The following TRIP13 variants were observed in gnomAD, a reference collection of about 807,000 sequenced individuals.
TRIP13 encodes the protein pachytene checkpoint protein 2 homolog.
Under a neutral mutation model 54.4 loss-of-function variants are expected in TRIP13, and 25 were observed. The ratio of observed to expected loss-of-function variants is 0.46; its 90% CI spans 0.33 to 0.64. The LOEUF (loss-of-function observed/expected upper bound fraction) is 0.64. TRIP13 is among the 30% of genes least tolerant of loss of function. TRIP13 has a pLI of 0.02. For synonymous variants in TRIP13, 207 were observed against 207.8 expected, an observed-to-expected ratio of 1.00 and a Z score of 0.03; for missense variants, 373 against 534.2, an observed-to-expected ratio of 0.70 and a Z score of 2.97.
rs1341659111 is a variant in TRIP13 at position 913,381 on chromosome 5, C to T, written c.1021-1084C>T. ...TTGTTTGTTTGTTTATTTTGAGACA[C>T]AGTCTCACTCTTACCTAGAGCTGGA... On this transcript the variant is annotated intron_variant, in intron 10 of 12. Coordinates refer to ENST00000166345, the MANE Select transcript of TRIP13 (RefSeq NM_004237.4). This position sits in a 1 kb window ranked among gnomAD's most constrained non-coding sequence, Gnocchi z 4.5. 6.6e-6 allele frequency among the ~76,000 whole-genome samples: 1 copy of T among 152,122 alleles called. No individual in the cohort carries two copies. The highest frequency in any genetic ancestry group is 1.5e-5 in the Non-Finnish European group (1 of 68,014).
intron 5 of TRIP13, among the ~76,000 whole-genome samples, chr5:903,945 A>G (rs1754051039): frequency 6.6e-6 from 1 of 152,190 alleles, no homozygotes; most frequent in Non-Finnish European, 1.5e-5. Flanking sequence ...GAAGTTGAGT[A>G]CAAATAAGAA....
intron 1 of TRIP13, among the ~76,000 whole-genome samples, 186 bp from the exon 2 acceptor site, chr5:894,601 G>A (rs534182224): frequency 1.3e-5 from 2 of 152,176 alleles, no homozygotes; most frequent in African/African-American, 4.8e-5. Context: ...CTTCTTCAGG[G>A]CACAGCTGGT....
Position 894,825 on chromosome 5 carries a change from A to G in TRIP13, c.131A>G (p.Lys44Arg). Residue 44 changes from lysine to arginine, a missense_variant, in exon 2 of 13, where the codon AAG (lysine) becomes AGG (arginine). Lys to Arg is a conservative substitution (Grantham distance 26). This residue lies in a region of TRIP13 where 151 missense variants were observed against 151.9 expected (regional missense o/e 0.99). Transcript: ENST00000166345. The part of the protein sequence containing the change: ...KKEDINLSVR[K>R]LLNRHNIVFG... ...GAAGACATAAACCTGAGTGTTAGAAAGCTACTCAACAGACATAATATTGTG... is the reference window on the plus strand; with the variant it reads ...GAAGACATAAACCTGAGTGTTAGAAGGCTACTCAACAGACATAATATTGTG... 6.2e-7 allele frequency: 1 copy of G among 1,612,300 alleles called. No homozygotes were observed. Among genetic ancestry groups the G allele is most frequent in the South Asian group, 1.1e-5 (1 of 90,218 alleles).
At chr5:899,803 G>A (rs1753942873) in intron 3 of TRIP13, among the ~76,000 whole-genome samples, 1 of 88,646 alleles carries the variant, frequency 1.1e-5, no homozygotes, top group African/African-American at 8.1e-5. Flanking sequence ...AGTGTGTGGG[G>A]AAACAGGTGG....
rs1399757151 is a variant in TRIP13 at position 907,971 on chromosome 5, G to A, written c.673-17G>A. 2 of 1,614,118 alleles carry A rather than the reference G, an allele frequency of 1.2e-6. No individual in the cohort carries two copies. The highest frequency in any genetic ancestry group is 1.1e-5 in the South Asian group (1 of 91,090). Reference sequence around the variant, plus strand: ...TGGTCCCTGCACGTTGACACTAAAAGGGTGTTTGGGTTCCAGAGTGGCAAG... The same window carrying A: ...TGGTCCCTGCACGTTGACACTAAAAAGGTGTTTGGGTTCCAGAGTGGCAAG... On this transcript the variant is annotated splice_polypyrimidine_tract_variant and intron_variant, in intron 7 of 12. Coordinates refer to ENST00000166345, the MANE Select transcript of TRIP13 (RefSeq NM_004237.4). The surrounding 1 kb of genome is among the most constrained non-coding windows in gnomAD (Gnocchi z 4.1).
intron 5 of TRIP13, among the ~76,000 whole-genome samples, chr5:901,914 C>T (rs935979962): frequency 3.9e-5 from 6 of 152,204 alleles, no homozygotes; most frequent in Admixed American, 1.3e-4. Context: ...TGAGCCACCG[C>T]GCGCGGCCCC....
intron 2 of TRIP13, among the ~76,000 whole-genome samples, chr5:895,494 T>C (rs889851669): frequency 7.9e-6 from 1 of 126,282 alleles, no homozygotes; most frequent in South Asian, 2.8e-4. Context: ...GGAAGACTTA[T>C]CACTTACAGC....
rs1352707298 is a variant in TRIP13 at position 917,558 on chromosome 5, A to T, written c.*455A>T. Reference sequence around the variant, plus strand: ...CACATTACTCCAGGTGGAAGGTGGCAATTGCTTTCTGATATCAGCTCGTTT... The same window carrying T: ...CACATTACTCCAGGTGGAAGGTGGCTATTGCTTTCTGATATCAGCTCGTTT... On this transcript the variant is annotated 3_prime_UTR_variant, in exon 13 of 13. Transcript: ENST00000166345. The T allele has an allele frequency of 1.3e-5, 2 of 152,532 alleles. No homozygotes were observed. Among genetic ancestry groups the T allele is most frequent in the Non-Finnish European group, 2.9e-5 (2 of 68,256 alleles). The allele number at this position is 152,532 out of a possible 1,614,324, so 9.4% of individuals were successfully genotyped here.
At chr5:916,923 G>T in intron 12 of TRIP13, 85 bp from the exon 13 acceptor site, 1 of 1,233,772 alleles carries the variant, frequency 8.1e-7, no homozygotes, top group Non-Finnish European at 1.2e-6. Context: ...TATCTGCACT[G>T]TGGGTGGCGG....
In TRIP13 at chr5:893,097, C is replaced by CG; in HGVS notation, c.92+9dup. On this transcript the variant is annotated splice_region_variant and intron_variant, in intron 1 of 12. Transcript: ENST00000166345. ...TGCATCAGCGCGGCAGCAGGTGAGCCGGACCTGTCCGACACATCCTCTGGG... is the reference window on the plus strand; with the variant it reads ...TGCATCAGCGCGGCAGCAGGTGAGCCGGGACCTGTCCGACACATCCTCTGGG... The CG allele has an allele frequency of 6.3e-7, 1 of 1,583,352 alleles. No homozygotes were observed. Among genetic ancestry groups the CG allele is most frequent in the Admixed American group, 1.8e-5 (1 of 57,044 alleles).
At chr5:897,139 G>T (rs1330699748) in intron 3 of TRIP13, among the ~76,000 whole-genome samples, 3 of 151,874 alleles carry the variant, frequency 2.0e-5, no homozygotes, top group Non-Finnish European at 2.9e-5. Context: ...CCAAGCCCAC[G>T]GCTTCATTCA....
chr5:896,660 T>A lies in TRIP13; in HGVS notation c.259-5T>A, dbSNP rs1372797436. The A allele has an allele frequency of 6.2e-7, 1 of 1,606,120 alleles. No homozygotes were observed. The highest frequency in any genetic ancestry group is 1.7e-5 in the Admixed American group (1 of 59,526). On this transcript the variant is annotated splice_polypyrimidine_tract_variant and splice_region_variant and intron_variant, in intron 2 of 12. Coordinates refer to ENST00000166345, the MANE Select transcript of TRIP13 (RefSeq NM_004237.4). The stretch of plus-strand genomic sequence containing the variant: ...GTGTCGATATTGGCTTTTCCCTCAT[T>A]TTAGCCCATCGATTTGAGTGCATGC...
At position 914,363 on chromosome 5, in the gene TRIP13, C is replaced by G. The variant is rs549943042; in HGVS notation, c.1021-102C>G. 4.0e-6 allele frequency: 3 copies of G among 750,216 alleles called. No homozygotes were observed. In the African/African-American group the frequency reaches 5.2e-5, roughly 13 times the overall value. 46.5% of individuals were successfully genotyped at this position (750,216 alleles called of 1,614,324 possible). A position where few individuals can be genotyped will look rare whatever the true frequency, so the allele number is the denominator to read the frequency against. On this transcript the variant is annotated intron_variant, in intron 10 of 12. Transcript: ENST00000166345. The stretch of plus-strand genomic sequence containing the variant: ...CCGTCTGGATTTCTGTGAGACGTGG[C>G]GTGGTTGACATTTGACCTGCAGGTG...
At position 914,447 on chromosome 5, in the gene TRIP13, G is replaced by A. The variant is rs369396820; in HGVS notation, c.1021-18G>A. 1.8e-4 allele frequency: 287 copies of A among 1,598,176 alleles called. No individual in the cohort carries two copies. Among genetic ancestry groups the A allele is most frequent in the South Asian group, 1.2e-3 (111 of 90,704 alleles). ...CCTCTGTGGACTCAGCTAACCGCCTGTACTTCTGTCTCCCCAGTGTCAGAT... is the reference window on the plus strand; with the variant it reads ...CCTCTGTGGACTCAGCTAACCGCCTATACTTCTGTCTCCCCAGTGTCAGAT... On this transcript the variant is annotated intron_variant, in intron 10 of 12. Transcript: ENST00000166345.
At chr5:901,317 A>G in intron 4 of TRIP13, 24 bp from the exon 5 acceptor site, 2 of 1,609,686 alleles carry the variant, frequency 1.2e-6, no homozygotes, top group African/African-American at 1.3e-5. Context: ...ATCTTTGTCA[A>G]GCTCTTTTCT....
chr5:910,194 G>A (rs1037265627), intron 9 of TRIP13, among the ~76,000 whole-genome samples: 4 of 152,214 alleles, frequency 2.6e-5, no homozygotes, highest in Non-Finnish European at 5.9e-5. Flanking sequence ...ATTCACATGA[G>A]TGTTCCCTTT....
rs1255882828 is a variant in TRIP13 at position 915,127 on chromosome 5, T to C, written c.1133+550T>C. ...AATTTTATTTTGAAGTTGGCAAGAATGTGGAAGGCTTTAAACAAGGGATAA... is the reference window on the plus strand; with the variant it reads ...AATTTTATTTTGAAGTTGGCAAGAACGTGGAAGGCTTTAAACAAGGGATAA... On this transcript the variant is annotated intron_variant, in intron 11 of 12. Coordinates refer to ENST00000166345, the MANE Select transcript of TRIP13 (RefSeq NM_004237.4). This position sits in a 1 kb window ranked among gnomAD's most constrained non-coding sequence, Gnocchi z 4.2. Among the ~76,000 whole-genome samples, 2 of 152,210 alleles carry C rather than the reference T, an allele frequency of 1.3e-5. No homozygotes were observed. The highest frequency in any genetic ancestry group is 2.9e-5 in the Non-Finnish European group (2 of 68,030).
At chr5:894,282 G>T (rs1199831375) in intron 1 of TRIP13, among the ~76,000 whole-genome samples, 1 of 152,118 alleles carries the variant, frequency 6.6e-6, no homozygotes, top group East Asian at 1.9e-4. Flanking sequence ...GGTCACTGTT[G>T]TAGAAAGGGG....
At chr5:905,746 CCA>C (rs1754101762) in intron 6 of TRIP13, among the ~76,000 whole-genome samples, 2 of 152,190 alleles carry the variant, frequency 1.3e-5, no homozygotes, top group Non-Finnish European at 2.9e-5. Flanking sequence ...TCCTGTTACT[CCA>C]GTATGACTAG....
Sources: gnomAD v4.1 joint callset for allele counts (sites outside exome capture counted in the v4.1 genomes callset) on GRCh38, gnomAD v4.1.1 for gene constraint, gnomAD v4.1.1 regional missense constraint, Gnocchi (gnomAD v3.1) non-coding constraint, MANE v1.5 for transcripts, NCBI Gene and HGNC (gene_info 2026-07-23, HGNC 2026-07-21) for gene names.